MME: variants seen among roughly 807,000 people sequenced by gnomAD.
MME encodes the protein membrane metalloendopeptidase.
Under a neutral mutation model 113.2 loss-of-function variants are expected in MME, and 98 were observed. That is an observed-to-expected ratio of 0.87 (90% CI 0.74 to 1.02). The LOEUF (loss-of-function observed/expected upper bound fraction) is 1.02. MME is among the 50% of genes least tolerant of loss of function. The pLI, the probability that MME is intolerant of heterozygous loss-of-function variation, is 0.00. For synonymous variants in MME, 292 were observed against 300.6 expected, an observed-to-expected ratio of 0.97 and a Z score of 0.30; for missense variants, 836 against 896.0, an observed-to-expected ratio of 0.93 and a Z score of 0.86.
chr3:155,103,993 A>G (rs1717477710), intron 3 of MME, among the ~76,000 whole-genome samples: 1 of 152,216 alleles, frequency 6.6e-6, no homozygotes, highest in Admixed American at 6.5e-5. Flanking sequence ...TGTCAACTGA[A>G]CACTGAGTAA....
chr3:155,133,060 A>ATATAT (rs1278838107), intron 8 of MME, among the ~76,000 whole-genome samples: 9 of 90,176 alleles, frequency 1.0e-4, no homozygotes, highest in Admixed American at 1.0e-4. Flanking sequence ...AAAAAAAAAA[A>ATATAT]AAATATATAT....
At chr3:155,175,957 G>C (rs1712478779) in intron 22 of MME, among the ~76,000 whole-genome samples, 1 of 152,036 alleles carries the variant, frequency 6.6e-6, no homozygotes, top group Non-Finnish European at 1.5e-5. Context: ...CCAATCTTTA[G>C]CTGATAACTA....
At chr3:155,105,239 T>C (rs1187595738) in intron 3 of MME, among the ~76,000 whole-genome samples, 6 of 152,156 alleles carry the variant, frequency 3.9e-5, no homozygotes, top group Non-Finnish European at 8.8e-5. Context: ...CAGGTCCAAA[T>C]GAGGTGGAAA....
chr3:155,150,290 A>C (rs1219384544), intron 16 of MME, among the ~76,000 whole-genome samples: 1 of 152,122 alleles, frequency 6.6e-6, no homozygotes, highest in African/African-American at 2.4e-5. Context: ...TTTCATAATC[A>C]TTTTGTCATA....
chr3:155,099,897 C>T (rs1717055370), intron 3 of MME, among the ~76,000 whole-genome samples: 1 of 152,144 alleles, frequency 6.6e-6, no homozygotes, highest in Non-Finnish European at 1.5e-5. Context: ...GATTTATATT[C>T]CTTTGGGTAT....
chr3:155,062,061 T>G (rs1206998737), intron 1 of MME, among the ~76,000 whole-genome samples: 4 of 152,212 alleles, frequency 2.6e-5, no homozygotes, highest in Non-Finnish European at 5.9e-5. Context: ...CCTTTAACAT[T>G]TTTATTTCTA....
At chr3:155,116,808 T>C (rs1249278465) in intron 6 of MME, 49 bp downstream of exon 6, 3 of 1,568,032 alleles carry the variant, frequency 1.9e-6, no homozygotes, top group East Asian at 4.5e-5. Context: ...AAAATCTATG[T>C]TATAATATCA....
chr3:155,139,790 G>A (rs1720918293), intron 9 of MME, among the ~76,000 whole-genome samples: 1 of 152,124 alleles, frequency 6.6e-6, no homozygotes, highest in Admixed American at 6.5e-5. Flanking sequence ...GACACCGAAT[G>A]GTAATGGTGA....
chr3:155,089,928 C>T (rs1381014039), intron 3 of MME: 1 of 433,196 alleles, frequency 2.3e-6, no homozygotes, highest in East Asian at 7.1e-5. Context: ...CGACTGCACT[C>T]CAGCCTGGAA....
At chr3:155,077,752 A>C (rs1229770745), upstream of MME, among the ~76,000 whole-genome samples, 2 of 152,010 alleles carry the variant, frequency 1.3e-5, no homozygotes, top group Non-Finnish European at 2.9e-5. Context: ...AAAAAACAGA[A>C]AGAAAAGAGA....
intron 3 of MME, among the ~76,000 whole-genome samples, chr3:155,114,490 G>A (rs895631947): frequency 2.6e-5 from 4 of 152,150 alleles, no homozygotes; most frequent in African/African-American, 9.7e-5. Flanking sequence ...TTTGAGCAAG[G>A]TCCAGGAAGT....
Position 155,111,340 on chromosome 3 carries a change from G to C in MME, c.197-3654G>C, listed in dbSNP as rs1405247122. 3.0e-4 allele frequency among the ~76,000 whole-genome samples: 45 copies of C among 152,318 alleles called. 1 individual carries two copies. Among genetic ancestry groups the C allele is most frequent in the Non-Finnish European group, 7.4e-5 (5 of 68,026 alleles). On this transcript the variant is annotated intron_variant, in intron 3 of 22. Transcript: ENST00000360490. ...CAAAATATTCATCAGAACAGAGAGC[G>C]CTCTTTGAAGTGATTGGATGCATCC...
chr3:155,117,802 AG>A (rs983365188), intron 7 of MME, among the ~76,000 whole-genome samples: 3 of 152,066 alleles, frequency 2.0e-5, no homozygotes, highest in Admixed American at 2.0e-4. Context: ...CTTGAGGACC[AG>A]GGGGTGGGGA....
In MME at chr3:155,104,192, C is replaced by T. The variant is rs763655107; in HGVS notation, c.197-10802C>T. Among the ~76,000 whole-genome samples, 94 of 152,142 alleles carry T rather than the reference C, an allele frequency of 6.2e-4. 1 individual carries two copies. Among genetic ancestry groups the T allele is most frequent in the Non-Finnish European group, 1.2e-3 (82 of 68,012 alleles). On this transcript the variant is annotated intron_variant, in intron 3 of 22. Transcript: ENST00000360490. ...TGGTATGTTCAGTTCCTAAGAGTGT[C>T]GGGTATATAGAGGCCGTCAATATTT...
At chr3:155,149,500 T>C (rs1337313930) in intron 16 of MME, among the ~76,000 whole-genome samples, 2 of 152,156 alleles carry the variant, frequency 1.3e-5, no homozygotes, top group Non-Finnish European at 2.9e-5. Flanking sequence ...GCTTGTTTCA[T>C]TCATGCATTC....
At position 155,116,751 on chromosome 3, in the gene MME, A is replaced by T; in HGVS notation, c.527A>T (p.Gln176Leu). ...GWPVATENWEQKYGASWTAEK... is the reference protein window; with the variant it reads ...GWPVATENWELKYGASWTAEK... ...CCAGTAGCAACAGAAAACTGGGAGC[A>T]AAAATATGGTAAGGCAATTTTCCTA... Residue 176 changes from glutamine (Q) to leucine (L), a missense_variant, in exon 6 of 23, where the codon CAA becomes CTA. Transcript: ENST00000360490. 6.2e-7 allele frequency: 1 copy of T among 1,613,272 alleles called. No homozygotes were observed. The highest frequency in any genetic ancestry group is 8.5e-7 in the Non-Finnish European group (1 of 1,179,452).
At chr3:155,098,582 TG>T (rs1716944308) in intron 3 of MME, among the ~76,000 whole-genome samples, 1 of 144,136 alleles carries the variant, frequency 6.9e-6, no homozygotes, top group South Asian at 2.2e-4. Flanking sequence ...GGCCATGGGG[TG>T]AGAGTTTTCA....
At chr3:155,042,502 T>C (rs1202007887) in intron 1 of MME, among the ~76,000 whole-genome samples, 3 of 152,176 alleles carry the variant, frequency 2.0e-5, no homozygotes, top group Non-Finnish European at 2.9e-5. Context: ...TTTATACATA[T>C]GTGCATAACA....
rs532786804 is a variant in MME, at chr3:155,174,687, A to G, written c.2153+2075A>G. Among the ~76,000 whole-genome samples the G allele has an allele frequency of 2.6e-5, 4 of 152,252 alleles. No homozygotes were observed. The East Asian group carries it at 7.7e-4, about 29-fold the overall frequency. On this transcript the variant is annotated intron_variant, in intron 22 of 22. Coordinates refer to ENST00000360490, the MANE Select transcript of MME (RefSeq NM_007289.4). ...AAACAAAAGGCAAAATACACTTGAT[A>G]CAAAGCTGCATCATAAAACCATATT...
Sources: allele counts gnomAD v4.1 joint callset (sites outside exome capture counted in the v4.1 genomes callset), GRCh38; gene constraint gnomAD v4.1.1; transcripts MANE v1.5; gene names NCBI Gene and HGNC (gene_info 2026-07-23, HGNC 2026-07-21).